The following STYK1 variants were observed in gnomAD, a reference collection of about 807,000 sequenced individuals.
The protein encoded by STYK1 is STY kinase 1, also known as tyrosine-protein kinase STYK1.
In STYK1, 46 loss-of-function variants were observed where a neutral mutation model predicts 48.1. That is an observed-to-expected ratio of 0.96 (90% CI 0.75 to 1.22). The LOEUF (loss-of-function observed/expected upper bound fraction) is 1.22. STYK1 is among the 50% of genes most tolerant of loss of function. The pLI is 0.00. For missense variants in STYK1, 527 were observed against 521.1 expected (o/e 1.01, Z -0.11); for synonymous variants, 188 against 189.0 (o/e 0.99, Z 0.04).
chr12:10,659,766 A>G (rs1284309675), intron 1 of STYK1, among the ~76,000 whole-genome samples: 1 of 152,212 alleles, frequency 6.6e-6, no homozygotes, highest in Non-Finnish European at 1.5e-5. Flanking sequence ...TTCTTGCTGA[A>G]CTTCATATAA....
At chr12:10,671,236 C>T (rs1244536761) in intron 1 of STYK1, among the ~76,000 whole-genome samples, 1 of 151,932 alleles carries the variant, frequency 6.6e-6, no homozygotes, top group Non-Finnish European at 1.5e-5. Flanking sequence ...CCTCGTGATC[C>T]GCCCACCTCA....
chr12:10,664,180 G>A lies in STYK1; in HGVS notation c.-195+9786C>T, dbSNP rs117380257. ...AAGTAGACAGAATATAGGGCACTAC[G>A]TTCTGTAGTTGTCTTGGTGTCAGAA... On this transcript the variant is annotated intron_variant, in intron 1 of 10. Coordinates refer to ENST00000075503, the MANE Select transcript of STYK1 (RefSeq NM_018423.3). Among the ~76,000 whole-genome samples, 27 of 152,230 alleles carry A rather than the reference G, an allele frequency of 1.8e-4. No individual in the cohort carries two copies. The East Asian group carries it at 4.4e-3, about 25-fold the overall frequency.
intron 9 of STYK1, 64 bp downstream of exon 9, chr12:10,622,574 C>A (rs191145255): frequency 1.3e-6 from 2 of 1,584,958 alleles, no homozygotes; most frequent in East Asian, 4.5e-5. Context: ...CATCATCCAC[C>A]CCTTAAATAA....
At chr12:10,656,170 T>C (rs1169000536) in intron 1 of STYK1, among the ~76,000 whole-genome samples, 2 of 152,230 alleles carry the variant, frequency 1.3e-5, no homozygotes, top group Admixed American at 6.5e-5. Flanking sequence ...AAGCTCTCTC[T>C]CTTTGCCTGT....
At chr12:10,624,568 A>C in intron 8 of STYK1, 83 bp downstream of exon 8, 1 of 1,230,766 alleles carries the variant, frequency 8.1e-7, no homozygotes, top group Non-Finnish European at 1.2e-6. Context: ...TCGTATACAG[A>C]ATTGGCAACA....
intron 1 of STYK1, among the ~76,000 whole-genome samples, chr12:10,647,469 T>C (rs1444620230): frequency 6.6e-6 from 1 of 152,240 alleles, no homozygotes. Context: ...TATATCCCCA[T>C]TGTATCTAAG....
At chr12:10,626,398 G>A (rs1947359371) in intron 7 of STYK1, among the ~76,000 whole-genome samples, 3 of 152,066 alleles carry the variant, frequency 2.0e-5, no homozygotes, top group South Asian at 2.1e-4. Context: ...CAATATTCAC[G>A]TATATGATGT....
In STYK1 at chr12:10,620,366, GA is replaced by G; in HGVS notation, c.1065-19del. The G allele has an allele frequency of 6.2e-7, 1 of 1,610,844 alleles. No individual in the cohort carries two copies. Reference sequence around the variant, plus strand: ...TACTGTACCTGAGAGGGAAACAAGAGAAACTGACTTCCTTGACAAGGCAAAT... The same window carrying G: ...TACTGTACCTGAGAGGGAAACAAGAGAACTGACTTCCTTGACAAGGCAAAT... On this transcript the variant is annotated intron_variant, in intron 10 of 10. Coordinates refer to ENST00000075503, the MANE Select transcript of STYK1 (RefSeq NM_018423.3).
At chr12:10,620,882 TA>T (rs1454511970) in intron 10 of STYK1, among the ~76,000 whole-genome samples, 2 of 152,192 alleles carry the variant, frequency 1.3e-5, no homozygotes. Context: ...CCAGGTCAGG[TA>T]TTTTGTCAGT....
chr12:10,640,119 T>C (rs1306270167), intron 1 of STYK1, among the ~76,000 whole-genome samples: 1 of 152,222 alleles, frequency 6.6e-6, no homozygotes, highest in African/African-American at 2.4e-5. Context: ...TTCCTGGGTC[T>C]GATCCCCAAT....
intron 1 of STYK1, among the ~76,000 whole-genome samples, chr12:10,661,768 T>A (rs893749605): frequency 2.0e-4 from 30 of 152,216 alleles, no homozygotes; most frequent in African/African-American, 7.0e-4. Context: ...CTTAAAAATC[T>A]GTCCTATACT....
intron 8 of STYK1, among the ~76,000 whole-genome samples, chr12:10,623,905 C>T (rs562808423): frequency 4.0e-5 from 6 of 151,720 alleles, no homozygotes; most frequent in Non-Finnish European, 8.8e-5. Context: ...AAGCCTTGCC[C>T]CTCCTTGAAA....
intron 8 of STYK1, 145 bp from the exon 9 acceptor site, chr12:10,622,823 A>C (rs377174609): frequency 3.0e-5 from 26 of 864,314 alleles, no homozygotes. Context: ...AAACAAAATA[A>C]CAGCCATTAG....
In STYK1 at chr12:10,631,214, G is replaced by A; in HGVS notation, c.282C>T (p.Asn94=). ...GGGCAGGTGTGGTAGCTCCCAGAAA[G>A]TTTTCCACGGATGTCTCCTTAAGTG... ...ALPLKETSVE[N]FLGATTPALA... The change falls in exon 5 of 11, where the codon AAC becomes AAT. Residue 94 remains asparagine (N), a synonymous_variant. Transcript: ENST00000075503. 6.2e-7 allele frequency: 1 copy of A among 1,614,192 alleles called. No homozygotes were observed. Among genetic ancestry groups the A allele is most frequent in the Non-Finnish European group, 8.5e-7 (1 of 1,180,038 alleles).
chr12:10,660,470 A>AAGCAACCCAAAACCCACCT (rs1947765167), intron 1 of STYK1, among the ~76,000 whole-genome samples: 7 of 105,720 alleles, frequency 6.6e-5, no homozygotes, highest in South Asian at 3.6e-4. Flanking sequence ...GGGAGGAGGG[A>AAGCAACCCAAAACCCACCT]AATATGTTAG....
At chr12:10,662,676 A>G (rs1363689609) in intron 1 of STYK1, among the ~76,000 whole-genome samples, 1 of 152,172 alleles carries the variant, frequency 6.6e-6, no homozygotes, top group Non-Finnish European at 1.5e-5. Flanking sequence ...AGAAATGTAC[A>G]TTCAAATCCT....
At chr12:10,667,091 C>T (rs1186828620) in intron 1 of STYK1, among the ~76,000 whole-genome samples, 1 of 152,080 alleles carries the variant, frequency 6.6e-6, no homozygotes, top group Non-Finnish European at 1.5e-5. Flanking sequence ...TCTAAAAATA[C>T]CATATTCCTA....
rs573726442 is a variant in STYK1 at position 10,657,667 on chromosome 12, G to C, written c.-195+16299C>G. 4.6e-5 allele frequency among the ~76,000 whole-genome samples: 7 copies of C among 152,294 alleles called. No individual in the cohort carries two copies. The South Asian group carries it at 1.2e-3, about 27-fold the overall frequency. Reference sequence around the variant, plus strand: ...CCTGCTTTAGAGCCATTAGATTCTAGATAAGTCCTGGGGATATGTAGAATT... The same window carrying C: ...CCTGCTTTAGAGCCATTAGATTCTACATAAGTCCTGGGGATATGTAGAATT... On this transcript the variant is annotated intron_variant, in intron 1 of 10. Coordinates refer to ENST00000075503, the MANE Select transcript of STYK1 (RefSeq NM_018423.3).
chr12:10,657,230 C>T (rs886178458), intron 1 of STYK1, among the ~76,000 whole-genome samples: 26 of 152,166 alleles, frequency 1.7e-4, no homozygotes, highest in African/African-American at 6.0e-4. Context: ...CTAGAAATTG[C>T]ATGCTTTCCT....
Sources: gnomAD v4.1 joint callset for allele counts (sites outside exome capture counted in the v4.1 genomes callset) on GRCh38, gnomAD v4.1.1 for gene constraint, MANE v1.5 for transcripts, NCBI Gene and HGNC (gene_info 2026-07-23, HGNC 2026-07-21) for gene names.